The following WIPF3 variants were observed in gnomAD, a reference collection of about 807,000 sequenced individuals.
WIPF3 encodes the protein WAS/WASL-interacting protein family member 3.
WIPF3 carries 33 observed loss-of-function variants against 38.9 expected under a neutral mutation model. The observed-to-expected ratio is 0.85, with a 90% CI of 0.64 to 1.14. The LOEUF is 1.14. Among genes scored for constraint, WIPF3 ranks in the 50% most tolerant of loss-of-function variants. The pLI is 0.00. For synonymous variants in WIPF3, 324 were observed against 269.3 expected, an observed-to-expected ratio of 1.20 and a Z score of -1.99; for missense variants, 711 against 652.5, an observed-to-expected ratio of 1.09 and a Z score of -0.98.
intron 2 of WIPF3, among the ~76,000 whole-genome samples, chr7:29,837,670 G>A (rs62457574): frequency 0.17 from 26,531 of 151,872 alleles, 2,499 homozygotes; most frequent in African/African-American, 0.21. Flanking sequence ...CTACATTTAT[G>A]TAGAAAAATA....
chr7:29,828,212 AAG>A lies in WIPF3; in HGVS notation c.-57-6453_-57-6452del, dbSNP rs374840093. ...TCACAGACTACTCTTGGAGAAAAAA[AAG>A]AGTTTGACGAGAGCAACTAGTGTGT... On this transcript the variant is annotated intron_variant, in intron 1 of 8. Transcript: ENST00000242140. Among the ~76,000 whole-genome samples, 621 of 152,320 alleles carry A rather than the reference AAG, an allele frequency of 4.1e-3. 7 individuals carry two copies. The highest frequency in any genetic ancestry group is 0.014 in the African/African-American group (562 of 41,560).
intron 2 of WIPF3, among the ~76,000 whole-genome samples, chr7:29,848,254 C>T (rs939890115): frequency 3.3e-5 from 5 of 152,182 alleles, no homozygotes; most frequent in Non-Finnish European, 7.3e-5. Context: ...GCATCCTGAG[C>T]ATCCACTCCA....
chr7:29,807,818 G>T (rs2128060316), intron 1 of WIPF3, among the ~76,000 whole-genome samples: 1 of 152,312 alleles, frequency 6.6e-6, no homozygotes, highest in South Asian at 2.1e-4. Context: ...GCCTTGTTTG[G>T]CATGACCAGT....
chr7:29,818,567 T>C (rs954142856), intron 1 of WIPF3, among the ~76,000 whole-genome samples: 2 of 149,098 alleles, frequency 1.3e-5, no homozygotes. Flanking sequence ...TTATTTAATT[T>C]AATTATATAA....
chr7:29,906,902 C>T (rs947231536), intron 8 of WIPF3, among the ~76,000 whole-genome samples: 5 of 152,152 alleles, frequency 3.3e-5, no homozygotes, highest in Admixed American at 2.0e-4. Flanking sequence ...AACTGTCAAG[C>T]CGTAATTTTC....
At chr7:29,879,467 A>G (rs1451582160) in intron 4 of WIPF3, among the ~76,000 whole-genome samples, 1 of 152,248 alleles carries the variant, frequency 6.6e-6, no homozygotes, top group East Asian at 1.9e-4. Flanking sequence ...ATTGTAATAG[A>G]ACTTCATAGT....
intron 1 of WIPF3, among the ~76,000 whole-genome samples, chr7:29,831,444 A>G (rs903265354): frequency 1.3e-5 from 2 of 152,358 alleles, no homozygotes; most frequent in Admixed American, 6.5e-5. Context: ...ATGATGTTCT[A>G]CCAGCCAGAT....
chr7:29,886,347 C>CTT (rs11337399), intron 5 of WIPF3, among the ~76,000 whole-genome samples: 9 of 46,572 alleles, frequency 1.9e-4, no homozygotes, highest in Non-Finnish European at 2.5e-4. Context: ...AAAGACAAAG[C>CTT]TTTTTTTTTT....
In WIPF3 at chr7:29,834,811, C is replaced by T. The variant is rs1206496646; in HGVS notation, c.87C>T (p.Pro29=). The part of the protein sequence containing the change: ...GAPPPPPPSA[P]PVSTDTSSLR... ...CTCCCCCTCCCCCACCATCAGCACC[C>T]CCGGTAAGACCTTTTTTTCTGATTG... Residue 29 remains proline, a synonymous_variant, in exon 2 of 9, where the codon CCC becomes CCT. Coordinates refer to ENST00000242140, the MANE Select transcript of WIPF3 (RefSeq NM_001080529.3). 8 of 1,541,242 alleles carry T rather than the reference C, an allele frequency of 5.2e-6. No individual in the cohort carries two copies. The highest frequency in any genetic ancestry group is 1.4e-5 in the African/African-American group (1 of 72,228).
chr7:29,853,414 G>A (rs537406947), intron 2 of WIPF3, among the ~76,000 whole-genome samples: 2 of 152,204 alleles, frequency 1.3e-5, no homozygotes, highest in East Asian at 3.9e-4. Context: ...CATAGGGGAA[G>A]AAACAGGCAC....
At chr7:29,822,123 G>GTTTTTTTTTT in intron 1 of WIPF3, among the ~76,000 whole-genome samples, 20 of 62,826 alleles carry the variant, frequency 3.2e-4, no homozygotes, top group African/African-American at 7.7e-4. Context: ...TTTTTTCTTA[G>GTTTTTTTTTT]TTTTTTTTTT....
intron 2 of WIPF3, among the ~76,000 whole-genome samples, chr7:29,842,387 T>C (rs1206709310): frequency 6.6e-6 from 1 of 152,214 alleles, no homozygotes; most frequent in African/African-American, 2.4e-5. Context: ...GTGCCGTATA[T>C]TTCTGCCTGC....
At chr7:29,907,989 CAG>C (rs1386615306) in intron 8 of WIPF3, among the ~76,000 whole-genome samples, 1 of 152,112 alleles carries the variant, frequency 6.6e-6, no homozygotes, top group African/African-American at 2.4e-5. Flanking sequence ...AGCAAAATGA[CAG>C]AGTAAATCCC....
intron 4 of WIPF3, among the ~76,000 whole-genome samples, chr7:29,882,637 C>T (rs1483964253): frequency 1.3e-5 from 2 of 152,140 alleles, no homozygotes; most frequent in Non-Finnish European, 2.9e-5. Context: ...GGCTTAGCCC[C>T]TGATTGGGGT....
rs559290732 is a variant in WIPF3, at chr7:29,834,569, G to T, written c.-57-99G>T. On this transcript the variant is annotated intron_variant, in intron 1 of 8. Transcript: ENST00000242140. ...TGAGTGAATGAATGAACAGGTGAAA[G>T]AATCAAGCTGACTATAATATGCATG... The T allele has an allele frequency of 9.2e-5, 101 of 1,096,406 alleles. No homozygotes were observed. In the African/African-American group the frequency reaches 1.6e-3, roughly 17 times the overall value. 67.9% of individuals were successfully genotyped at this position (1,096,406 alleles called of 1,614,324 possible). A position where few individuals can be genotyped will look rare whatever the true frequency, so the allele number is the denominator to read the frequency against.
chr7:29,909,017 G>T (rs938591422), intron 8 of WIPF3, among the ~76,000 whole-genome samples: 3 of 151,546 alleles, frequency 2.0e-5, no homozygotes, highest in Non-Finnish European at 2.9e-5. Context: ...TCACAAATTT[G>T]TAGAAATTAA....
rs1462374956 is a variant in WIPF3 at position 29,914,478 on chromosome 7, G to C, written c.1429-15G>C. On this transcript the variant is annotated splice_polypyrimidine_tract_variant and intron_variant, in intron 8 of 8. Coordinates refer to ENST00000242140, the MANE Select transcript of WIPF3 (RefSeq NM_001080529.3). ...TTCTAACTCCACCTGGTAATGTTCT[G>C]TTATGTTTCCACAGTTATCTCTAAA... 5 of 1,517,038 alleles carry C rather than the reference G, an allele frequency of 3.3e-6. No homozygotes were observed. Among genetic ancestry groups the C allele is most frequent in the South Asian group, 1.3e-5 (1 of 77,766 alleles). 94.0% of individuals were successfully genotyped at this position (1,517,038 alleles called of 1,614,324 possible).
intron 2 of WIPF3, among the ~76,000 whole-genome samples, chr7:29,849,271 C>A (rs541929830): frequency 3.3e-5 from 5 of 152,180 alleles, no homozygotes; most frequent in African/African-American, 9.6e-5. Context: ...GAAATGGATA[C>A]AAGCAACAGG....
At chr7:29,885,477 C>T (rs989457983) in intron 5 of WIPF3, among the ~76,000 whole-genome samples, 2 of 152,216 alleles carry the variant, frequency 1.3e-5, no homozygotes, top group East Asian at 3.9e-4. Flanking sequence ...ATTTTCTTGA[C>T]TTAAAAATAA....
Sources: gnomAD v4.1 joint callset for allele counts (sites outside exome capture counted in the v4.1 genomes callset) on GRCh38, gnomAD v4.1.1 for gene constraint, MANE v1.5 for transcripts, NCBI Gene and HGNC (gene_info 2026-07-23, HGNC 2026-07-21) for gene names.